PALS1: variants seen among roughly 807,000 people sequenced by gnomAD.
PALS1 encodes protein PALS1.
A neutral mutation model predicts 78.9 loss-of-function variants in PALS1; 31 were observed. The ratio of observed to expected loss-of-function variants is 0.39; its 90% CI spans 0.30 to 0.53. The LOEUF is 0.53. Ranked by LOEUF, PALS1 falls within the 20% of genes least tolerant of loss-of-function variation. The pLI, the probability that PALS1 is intolerant of heterozygous loss-of-function variation, is 0.67. For synonymous variants in PALS1, 276 were observed against 270.9 expected (o/e 1.02, Z -0.18); for missense variants, 704 against 826.5 (o/e 0.85, Z 1.82).
intron 3 of PALS1, among the ~76,000 whole-genome samples, chr14:67,281,850 C>T (rs183020336): frequency 6.7e-6 from 1 of 150,116 alleles, no homozygotes; most frequent in African/African-American, 2.5e-5. Context: ...TTTGAATGTT[C>T]TATTGCTGAC....
intron 9 of PALS1, 105 bp from the exon 10 acceptor site, chr14:67,316,727 T>C (rs2085181169): frequency 1.2e-6 from 1 of 826,616 alleles, no homozygotes; most frequent in South Asian, 1.9e-5. Flanking sequence ...TGGAAGGGAA[T>C]ATAAGTGAAG....
intron 4 of PALS1, among the ~76,000 whole-genome samples, chr14:67,293,474 A>G (rs1241009502): frequency 1.3e-5 from 2 of 152,182 alleles, no homozygotes; most frequent in Non-Finnish European, 2.9e-5. Context: ...GAGGACATCT[A>G]GAGCTACAGA....
At chr14:67,285,396 T>G (rs1363529640) in intron 3 of PALS1, among the ~76,000 whole-genome samples, 1 of 146,092 alleles carries the variant, frequency 6.8e-6, no homozygotes, top group Non-Finnish European at 1.5e-5. Flanking sequence ...AGACGGAGTC[T>G]CGCTCTGTCG....
chr14:67,329,646 C>T (rs1039862338), intron 14 of PALS1, among the ~76,000 whole-genome samples: 20 of 151,792 alleles, frequency 1.3e-4, no homozygotes, highest in East Asian at 3.9e-4. Context: ...TTTTGAGATA[C>T]GGCGGACGCA....
At chr14:67,313,976 A>T (rs1042831521) in intron 9 of PALS1, among the ~76,000 whole-genome samples, 7 of 127,734 alleles carry the variant, frequency 5.5e-5, no homozygotes, top group East Asian at 2.3e-4. Context: ...AACAAAAATT[A>T]AAAAAAAAAA....
intron 2 of PALS1, among the ~76,000 whole-genome samples, chr14:67,275,775 A>G (rs2084493288): frequency 6.6e-6 from 1 of 152,112 alleles, no homozygotes; most frequent in African/African-American, 2.4e-5. Context: ...TTGGTAGGCT[A>G]TTAATTATTG....
chr14:67,320,237 CA>C lies in PALS1; in HGVS notation c.1379del (p.Asn460ThrfsTer5). On this transcript the variant is annotated frameshift_variant, in exon 12 of 15. Coordinates refer to ENST00000261681, the MANE Select transcript of PALS1 (RefSeq NM_022474.4). LOFTEE classifies it high-confidence loss of function. ...YNANKNDDYDNEEILTYEEMS... is the reference protein window; with the variant it reads ...YNANKNDDYDXEEILTYEEMS... ...AACTTTTTTTTCCCAAAGATTATGA[CA>C]ACGAGGAGATCTTAACCTATGAGGA... 6.2e-7 allele frequency: 1 copy of C among 1,606,558 alleles called. No individual in the cohort carries two copies. Among genetic ancestry groups the C allele is most frequent in the Non-Finnish European group, 8.5e-7 (1 of 1,177,750 alleles).
At chr14:67,313,830 G>T (rs2085130003) in intron 9 of PALS1, among the ~76,000 whole-genome samples, 1 of 151,540 alleles carries the variant, frequency 6.6e-6, no homozygotes, top group African/African-American at 2.4e-5. Context: ...TATTGTCTCT[G>T]TTATAATTCT....
At position 67,302,418 on chromosome 14, in the gene PALS1, A is replaced by G. The variant is rs143048072; in HGVS notation, c.810A>G (p.Thr270=). 60 of 1,585,388 alleles carry G rather than the reference A, an allele frequency of 3.8e-5. No homozygotes were observed. The African/African-American group carries it at 8.0e-4, about 21-fold the overall frequency. The change falls in exon 7 of 15, where the codon ACA becomes ACG. Residue 270 remains threonine, a synonymous_variant. Transcript: ENST00000261681. ...EKARDIPLGA[T]VRNEMDSVII... is the part of the protein sequence containing the mutation. ...CATATATATATTTTTAGGGTGCTAC[A>G]GTTCGTAATGAAATGGACTCTGTCA...
At chr14:67,313,487 C>G (rs772437557) in intron 9 of PALS1, among the ~76,000 whole-genome samples, 7 of 152,096 alleles carry the variant, frequency 4.6e-5, no homozygotes, top group Admixed American at 2.6e-4. Flanking sequence ...CAGTGCATGA[C>G]TGTATGTAGA....
chr14:67,308,546 C>CTTTTTTT (rs375911648), intron 8 of PALS1, among the ~76,000 whole-genome samples: 2 of 131,836 alleles, frequency 1.5e-5, no homozygotes, highest in Admixed American at 7.9e-5. Flanking sequence ...TTTTCTTTTT[C>CTTTTTTT]TTTTTTTTTT....
chr14:67,241,486 G>T lies in PALS1; in HGVS notation c.-284G>T, dbSNP rs750920136. The T allele has an allele frequency of 2.0e-5, 3 of 153,802 alleles. No homozygotes were observed. Among genetic ancestry groups the T allele is most frequent in the Non-Finnish European group, 2.9e-5 (2 of 69,380 alleles). 9.5% of individuals were successfully genotyped at this position (153,802 alleles called of 1,614,324 possible). On this transcript the variant is annotated 5_prime_UTR_variant, in exon 1 of 15. Transcript: ENST00000261681. Reference sequence around the variant, plus strand: ...GCCGGAGGGCTGTCGCTTCTGCAGTGCGTAGGAGCGGCCGGGGCGGGAGGC... The same window carrying T: ...GCCGGAGGGCTGTCGCTTCTGCAGTTCGTAGGAGCGGCCGGGGCGGGAGGC...
Position 67,272,965 on chromosome 14 carries a change from C to G in PALS1, c.-154+3182C>G, listed in dbSNP as rs117710354. ...CTGGAATTACAGGCGTGAGCCACCA[C>G]GCCTGGCCTGTAACCTTCGTATTTC... is the stretch of plus-strand genomic sequence containing the variant. On this transcript the variant is annotated intron_variant, in intron 2 of 14. Transcript: ENST00000261681. Among the ~76,000 whole-genome samples the G allele has an allele frequency of 6.7e-3, 1,026 of 152,292 alleles. 12 individuals are homozygous for G. Among genetic ancestry groups the G allele is most frequent in the Admixed American group, 0.029 (449 of 15,292 alleles).
intron 9 of PALS1, among the ~76,000 whole-genome samples, chr14:67,314,249 A>G (rs1328082490): frequency 6.6e-6 from 1 of 152,254 alleles, no homozygotes; most frequent in South Asian, 2.1e-4. Flanking sequence ...ACATAGTAGG[A>G]ACAGAGGAAG....
rs1288741793 is a variant in PALS1, at chr14:67,333,997, A to T, written c.*1041A>T. 1 of 152,660 alleles carries T rather than the reference A, an allele frequency of 6.6e-6. No individual in the cohort carries two copies. The highest frequency in any genetic ancestry group is 2.4e-5 in the African/African-American group (1 of 41,464). 9.5% of individuals were successfully genotyped at this position (152,660 alleles called of 1,614,324 possible). ...GCTGTACTGTATATTAATATTTAAT[A>T]GATCAACAAATGGTCATTGAAAACA... On this transcript the variant is annotated 3_prime_UTR_variant, in exon 15 of 15. Transcript: ENST00000261681.
intron 4 of PALS1, among the ~76,000 whole-genome samples, chr14:67,296,470 A>G (rs2084852113): frequency 1.3e-5 from 2 of 151,290 alleles, no homozygotes; most frequent in East Asian, 2.0e-4. Flanking sequence ...GTGTGGTGGT[A>G]CTCAGGAGGC....
chr14:67,263,543 C>T (rs1390263947), intron 1 of PALS1, among the ~76,000 whole-genome samples: 1 of 152,180 alleles, frequency 6.6e-6, no homozygotes, highest in Non-Finnish European at 1.5e-5. Flanking sequence ...TAAAGATTTT[C>T]CCTCTCTTCT....
At chr14:67,324,279 A>G (rs550457926) in intron 14 of PALS1, among the ~76,000 whole-genome samples, 1 of 152,336 alleles carries the variant, frequency 6.6e-6, no homozygotes, top group African/African-American at 2.4e-5. Flanking sequence ...TATGCTAGAT[A>G]TGGTTGAGGT....
chr14:67,331,426 T>C (rs2085447589), intron 14 of PALS1, among the ~76,000 whole-genome samples: 1 of 152,080 alleles, frequency 6.6e-6, no homozygotes. Context: ...CTCTATAAAA[T>C]TGTGCTAAGA....
Sources: allele counts gnomAD v4.1 joint callset (sites outside exome capture counted in the v4.1 genomes callset), GRCh38; gene constraint gnomAD v4.1.1; transcripts MANE v1.5; gene names NCBI Gene and HGNC (gene_info 2026-07-23, HGNC 2026-07-21).